Variants in QTMAN observed in about 807,000 individuals in gnomAD.
QTMAN encodes the protein queuosine-tRNA mannosyltransferase, also known as tRNA-queuosine alpha-mannosyltransferase.
chr2:144,326,740 A>G, the QTMAN span, among the ~76,000 whole-genome samples: 14 of 152,278 alleles, frequency 9.2e-5, no homozygotes, highest in African/African-American at 3.4e-4. Context: ...TATCTAATCT[A>G]TATGTATCAC....
chr2:144,280,706 G>A, the QTMAN span, among the ~76,000 whole-genome samples: 1 of 152,004 alleles, frequency 6.6e-6, no homozygotes, highest in East Asian at 1.9e-4. Context: ...GCAGATGCTA[G>A]GGAGAAAAAG....
At chr2:144,129,918 G>A in the QTMAN span, among the ~76,000 whole-genome samples, 2 of 151,800 alleles carry the variant, frequency 1.3e-5, no homozygotes, top group Non-Finnish European at 2.9e-5. Context: ...AGACAACATT[G>A]AGTCAAATAT....
the QTMAN span, among the ~76,000 whole-genome samples, chr2:143,996,802 CACCGA>C: frequency 2.0e-5 from 3 of 152,048 alleles, no homozygotes; most frequent in African/African-American, 7.2e-5. Context: ...AAAACATATA[CACCGA>C]ACCACTAATC....
the QTMAN span, among the ~76,000 whole-genome samples, chr2:144,054,850 G>A: frequency 6.6e-6 from 1 of 152,062 alleles, no homozygotes; most frequent in Non-Finnish European, 1.5e-5. Flanking sequence ...TTTTTCTGAA[G>A]CAAAATTCTT....
chr2:143,969,559 G>A, the QTMAN span, among the ~76,000 whole-genome samples: 6 of 152,046 alleles, frequency 3.9e-5, no homozygotes, highest in South Asian at 2.1e-4. Context: ...GTGCATACGC[G>A]TGAAAGAGAT....
chr2:144,010,474 G>T, the QTMAN span, among the ~76,000 whole-genome samples: 1 of 152,062 alleles, frequency 6.6e-6, no homozygotes. Flanking sequence ...AATAAACCTT[G>T]AATGGAGGTA....
chr2:144,265,342 T>G, the QTMAN span, among the ~76,000 whole-genome samples: 1 of 152,182 alleles, frequency 6.6e-6, no homozygotes, highest in Non-Finnish European at 1.5e-5. Flanking sequence ...ACATTCACAT[T>G]ACAAAATATG....
the QTMAN span, among the ~76,000 whole-genome samples, chr2:144,023,576 T>C: frequency 6.6e-6 from 1 of 152,170 alleles, no homozygotes; most frequent in Admixed American, 6.5e-5. Flanking sequence ...TATTGTGAGG[T>C]TCAACATTAT....
At chr2:144,225,938 T>C in the QTMAN span, among the ~76,000 whole-genome samples, 1 of 152,242 alleles carries the variant, frequency 6.6e-6, no homozygotes, top group African/African-American at 2.4e-5. Flanking sequence ...TAACTACTCA[T>C]AACCCAGCAA....
chr2:144,057,890 G>T, the QTMAN span, among the ~76,000 whole-genome samples: 8 of 151,890 alleles, frequency 5.3e-5, no homozygotes, highest in Non-Finnish European at 5.9e-5. Context: ...TGTTGCACAG[G>T]CTGGCCTTGA....
the QTMAN span, among the ~76,000 whole-genome samples, chr2:144,148,224 A>G: frequency 2.0e-5 from 3 of 151,936 alleles, no homozygotes; most frequent in African/African-American, 7.2e-5. Flanking sequence ...TTAGATGTGA[A>G]ATGCCATGAT....
the QTMAN span, among the ~76,000 whole-genome samples, chr2:144,313,054 C>T: frequency 2.0e-5 from 3 of 152,192 alleles, no homozygotes; most frequent in African/African-American, 7.2e-5. Flanking sequence ...GATTCTGCAG[C>T]TCATTAAACA....
At chr2:144,327,944 G>GGTTA in the QTMAN span, among the ~76,000 whole-genome samples, 110 of 152,002 alleles carry the variant, frequency 7.2e-4, no homozygotes, top group African/African-American at 2.5e-3. Context: ...TTGCTTCTCT[G>GGTTA]GTTATTTATT....
At chr2:144,217,138 C>G in the QTMAN span, among the ~76,000 whole-genome samples, 2 of 152,012 alleles carry the variant, frequency 1.3e-5, no homozygotes, top group African/African-American at 4.8e-5. Flanking sequence ...CTGACCCATT[C>G]GGATACGAAT....
At chr2:144,067,232 A>T in the QTMAN span, among the ~76,000 whole-genome samples, 1 of 152,246 alleles carries the variant, frequency 6.6e-6, no homozygotes, top group African/African-American at 2.4e-5. Flanking sequence ...ATTTAAAACT[A>T]TGCCTGGCAA....
the QTMAN span, among the ~76,000 whole-genome samples, chr2:144,115,435 T>C: frequency 6.6e-6 from 1 of 152,162 alleles, no homozygotes. Context: ...CCTAGTGAGG[T>C]TGCCTCCCAA....
the QTMAN span, among the ~76,000 whole-genome samples, chr2:144,241,277 A>G: frequency 2.0e-5 from 3 of 152,202 alleles, no homozygotes; most frequent in African/African-American, 7.2e-5. Flanking sequence ...ACTATGTTTG[A>G]AAAACACTGC....
At chr2:144,271,206 C>T in the QTMAN span, among the ~76,000 whole-genome samples, 1 of 152,064 alleles carries the variant, frequency 6.6e-6, no homozygotes. Flanking sequence ...TGGTCTATTC[C>T]TCAAATAAAG....
chr2:144,208,667 G>A, the QTMAN span: 1 of 1,613,830 alleles, frequency 6.2e-7, no homozygotes, highest in Admixed American at 1.7e-5. Flanking sequence ...GCTCTCCAAT[G>A]CCATTTCTTT....
Sources: gnomAD v4.1 joint callset for allele counts (sites outside exome capture counted in the v4.1 genomes callset) on GRCh38, gnomAD v4.1.1 for gene constraint, MANE v1.5 for transcripts, NCBI Gene and HGNC (gene_info 2026-07-23, HGNC 2026-07-21) for gene names.